The following NELL2 variants were observed in gnomAD, a reference collection of about 807,000 sequenced individuals.
NELL2 encodes the protein neural EGFL like 2, also known as protein kinase C-binding protein NELL2.
Under a neutral mutation model 109.6 loss-of-function variants are expected in NELL2, and 41 were observed. That is an observed-to-expected ratio of 0.37 (90% CI 0.29 to 0.49). NELL2 has a LOEUF of 0.49. NELL2 is among the 20% of genes least tolerant of loss of function. The pLI, the probability that NELL2 is intolerant of heterozygous loss-of-function variation, is 0.98. For synonymous variants in NELL2, 355 were observed against 344.7 expected, an observed-to-expected ratio of 1.03 and a Z score of -0.33; for missense variants, 900 against 1,008.3, an observed-to-expected ratio of 0.89 and a Z score of 1.45.
chr12:44,559,425 A>C (rs1943385859), intron 15 of NELL2, among the ~76,000 whole-genome samples: 2 of 152,210 alleles, frequency 1.3e-5, no homozygotes, highest in South Asian at 2.1e-4. Flanking sequence ...TGCTGTATTC[A>C]GGAGACCCAT....
At chr12:44,911,234 A>G (rs943502580) in intron 1 of NELL2, among the ~76,000 whole-genome samples, 1 of 152,046 alleles carries the variant, frequency 6.6e-6, no homozygotes, top group African/African-American at 2.4e-5. Context: ...TGATTACACT[A>G]TTTCCCTGAG....
intron 9 of NELL2, among the ~76,000 whole-genome samples, chr12:44,771,339 G>GT (rs140341898): frequency 0.033 from 4,895 of 147,934 alleles, 105 homozygotes; most frequent in Middle Eastern, 0.058. Flanking sequence ...ATAACAGATG[G>GT]TTTTTTTAAA....
chr12:44,793,094 T>C (rs1942492621), intron 3 of NELL2, among the ~76,000 whole-genome samples: 4 of 152,178 alleles, frequency 2.6e-5, no homozygotes, highest in African/African-American at 9.6e-5. Context: ...ACAAAAAGGC[T>C]GTGTATAATC....
At chr12:44,682,779 T>C (rs1331225396) in intron 12 of NELL2, among the ~76,000 whole-genome samples, 2 of 152,194 alleles carry the variant, frequency 1.3e-5, no homozygotes, top group East Asian at 3.8e-4. Flanking sequence ...TTGATCTATA[T>C]CTCTGTTTTG....
rs35577007 is a variant in NELL2, at chr12:44,882,834, CTTTTTTTT to C, written c.39-6942_39-6935del. Among the ~76,000 whole-genome samples, 163 of 73,316 alleles carry C rather than the reference CTTTTTTTT, an allele frequency of 2.2e-3. 4 individuals carry two copies. Among genetic ancestry groups the C allele is most frequent in the African/African-American group, 9.3e-3 (157 of 16,796 alleles). The allele number at this position is 73,316 out of a possible 152,430, so 48.1% of individuals were successfully genotyped here. Reference sequence around the variant, plus strand: ...TGAGCCACCATGCCTGGCTATATACCTTTTTTTTTTTTTTTTTTTTTTTTGAGACAGAG... The same window carrying C: ...TGAGCCACCATGCCTGGCTATATACCTTTTTTTTTTTTTTTTGAGACAGAG... On this transcript the variant is annotated intron_variant, in intron 1 of 20. Coordinates refer to the NELL2 transcript ENST00000333837.
chr12:44,564,993 T>C (rs1338261552), intron 15 of NELL2, among the ~76,000 whole-genome samples: 1 of 152,134 alleles, frequency 6.6e-6, no homozygotes, highest in Non-Finnish European at 1.5e-5. Flanking sequence ...ATCAGAATCC[T>C]CTGAGGATGC....
At chr12:44,840,950 G>A (rs1206707965) in intron 2 of NELL2, among the ~76,000 whole-genome samples, 3 of 152,274 alleles carry the variant, frequency 2.0e-5, no homozygotes, top group South Asian at 2.1e-4. Context: ...AAGTAGTTTT[G>A]TAGAACACTG....
At chr12:44,677,901 C>T (rs775040516) in intron 12 of NELL2, among the ~76,000 whole-genome samples, 6 of 151,974 alleles carry the variant, frequency 3.9e-5, no homozygotes, top group African/African-American at 1.5e-4. Flanking sequence ...ATTTGAGATG[C>T]TTATGACACA....
chr12:44,521,847 A>G (rs1941555265), intron 18 of NELL2, 153 bp downstream of exon 18: 4 of 674,296 alleles, frequency 5.9e-6, no homozygotes, highest in South Asian at 4.0e-5. Context: ...GTGATCGTGT[A>G]ACTATCACCT....
chr12:44,899,611 A>T (rs1282876381), intron 1 of NELL2, among the ~76,000 whole-genome samples: 1 of 152,220 alleles, frequency 6.6e-6, no homozygotes, highest in Non-Finnish European at 1.5e-5. Flanking sequence ...CTTCTGAAGT[A>T]AACACTAAAT....
intron 9 of NELL2, among the ~76,000 whole-genome samples, chr12:44,744,399 G>C (rs1043131614): frequency 1.3e-5 from 2 of 151,992 alleles, no homozygotes; most frequent in African/African-American, 2.4e-5. Context: ...AACTAGAAAA[G>C]CAAGAGCAAA....
intron 1 of NELL2, among the ~76,000 whole-genome samples, chr12:44,886,585 C>T (rs1439418890): frequency 6.6e-6 from 1 of 151,862 alleles, no homozygotes; most frequent in Non-Finnish European, 1.5e-5. Context: ...TTAATACACT[C>T]ATATAATTTG....
At chr12:44,779,521 T>C in intron 5 of NELL2, 142 bp downstream of exon 5, 1 of 654,894 alleles carries the variant, frequency 1.5e-6, no homozygotes, top group East Asian at 2.7e-5. Flanking sequence ...AAAATATTAC[T>C]GTTTAAAAAA....
chr12:44,564,597 A>G (rs939677026), intron 15 of NELL2, among the ~76,000 whole-genome samples: 3 of 151,984 alleles, frequency 2.0e-5, no homozygotes, highest in African/African-American at 7.2e-5. Flanking sequence ...TAAAACAAGC[A>G]CACACACACA....
chr12:44,677,508 A>G (rs66572050), intron 12 of NELL2, among the ~76,000 whole-genome samples: 25,067 of 152,024 alleles, frequency 0.16, 2,161 homozygotes, highest in East Asian at 0.21. Flanking sequence ...ACATAGGGGC[A>G]TATGTGTTTG....
intron 1 of NELL2, among the ~76,000 whole-genome samples, chr12:44,890,499 T>A (rs567385108): frequency 6.6e-6 from 1 of 152,084 alleles, no homozygotes. Context: ...ATTCAAGAGG[T>A]ATTTGTGGAG....
At chr12:44,733,756 G>C (rs1939496570) in intron 9 of NELL2, among the ~76,000 whole-genome samples, 1 of 151,888 alleles carries the variant, frequency 6.6e-6, no homozygotes, top group African/African-American at 2.4e-5. Context: ...AAGGAAGTAG[G>C]GAAGGAAGGG....
At chr12:44,702,421 A>C (rs892297642) in intron 12 of NELL2, among the ~76,000 whole-genome samples, 2 of 152,178 alleles carry the variant, frequency 1.3e-5, no homozygotes, top group Admixed American at 1.3e-4. Flanking sequence ...GTAGCATCAA[A>C]AGCAGCTCAA....
intron 15 of NELL2, among the ~76,000 whole-genome samples, chr12:44,538,683 G>T (rs1942402218): frequency 6.6e-6 from 1 of 152,060 alleles, no homozygotes; most frequent in Non-Finnish European, 1.5e-5. Flanking sequence ...TAAAGAAAAA[G>T]GTTATAAACA....
Sources: gnomAD v4.1 joint callset for allele counts (sites outside exome capture counted in the v4.1 genomes callset) on GRCh38, gnomAD v4.1.1 for gene constraint, MANE v1.5 for transcripts, NCBI Gene and HGNC (gene_info 2026-07-23, HGNC 2026-07-21) for gene names.